The following CELF1 variants were observed in gnomAD, a reference collection of about 807,000 sequenced individuals.
CELF1 encodes CUGBP Elav-like family member 1.
Under a neutral mutation model 61.8 loss-of-function variants are expected in CELF1, and 10 were observed. The ratio of observed to expected loss-of-function variants is 0.16; its 90% CI spans 0.10 to 0.27. CELF1 has a LOEUF of 0.27. CELF1 is among the 10% of genes least tolerant of loss of function. The probability of loss-of-function intolerance (pLI) is 1.00; values close to 1 mark genes in which losing one functional copy is unlikely to be tolerated. For synonymous variants in CELF1, 236 were observed against 225.1 expected (o/e 1.05, Z -0.43); for missense variants, 380 against 639.1 (o/e 0.59, Z 4.37).
In CELF1 at chr11:47,553,064, T is replaced by TGCTGAGGCCGAATCCCGGGGGAGCC. The variant is rs1282271697; in HGVS notation, c.-251_-227dup. ...TCCGCAGCCGCCGCCGCCGCCTCGCTGCTGAGGCCGAATCCCGGGGGAGCC... is the reference window on the plus strand; with the variant it reads ...TCCGCAGCCGCCGCCGCCGCCTCGCTGCTGAGGCCGAATCCCGGGGGAGCCGCTGAGGCCGAATCCCGGGGGAGCC... On this transcript the variant is annotated 5_prime_UTR_variant, in exon 1 of 15. Transcript: ENST00000687097. 2 of 400,924 alleles carry TGCTGAGGCCGAATCCCGGGGGAGCC rather than the reference T, an allele frequency of 5.0e-6. No homozygotes were observed. Among genetic ancestry groups the TGCTGAGGCCGAATCCCGGGGGAGCC allele is most frequent in the Non-Finnish European group, 8.8e-6 (2 of 228,292 alleles). 24.8% of individuals were successfully genotyped at this position (400,924 alleles called of 1,614,324 possible).
intron 1 of CELF1, chr11:47,513,936 T>TTG (rs1299183597): frequency 6.6e-6 from 1 of 150,484 alleles, no homozygotes; most frequent in Non-Finnish European, 1.5e-5. Context: ...TTTTCCTTTT[T>TTG]TTTTTCCCCC....
At chr11:47,505,790 C>T (rs911897028) in intron 1 of CELF1, among the ~76,000 whole-genome samples, 1 of 150,084 alleles carries the variant, frequency 6.7e-6, no homozygotes, top group Non-Finnish European at 1.5e-5. Flanking sequence ...CAAAAATTAG[C>T]CAGGCACAGT....
At chr11:47,473,980 C>T (rs1433236716) in intron 13 of CELF1, among the ~76,000 whole-genome samples, 1 of 151,954 alleles carries the variant, frequency 6.6e-6, no homozygotes, top group Non-Finnish European at 1.5e-5. Flanking sequence ...GAACTCAGGT[C>T]ACTGCAACCT....
At chr11:47,481,096 C>CTTTT (rs2082869074) in intron 9 of CELF1, among the ~76,000 whole-genome samples, 4 of 57,616 alleles carry the variant, frequency 6.9e-5, no homozygotes, top group East Asian at 5.6e-4. Flanking sequence ...TTTTTTTTTT[C>CTTTT]TTCTTCTTTT....
intron 1 of CELF1, 127 bp from the exon 2 acceptor site, chr11:47,501,059 C>T (rs1671848659): frequency 2.5e-6 from 1 of 395,622 alleles, no homozygotes; most frequent in African/African-American, 2.1e-5. Context: ...TAACATCTGT[C>T]TGCACCTGAC....
At chr11:47,516,775 A>AT (rs1342925806) in intron 1 of CELF1, among the ~76,000 whole-genome samples, 3 of 151,574 alleles carry the variant, frequency 2.0e-5, no homozygotes, top group Non-Finnish European at 4.4e-5. Flanking sequence ...TAATTTTTAT[A>AT]TTTTTTTAGT....
chr11:47,529,370 G>A (rs532692961), intron 1 of CELF1, among the ~76,000 whole-genome samples: 10 of 151,764 alleles, frequency 6.6e-5, no homozygotes, highest in African/African-American at 2.2e-4. Flanking sequence ...GTAACGTGGC[G>A]AAACCCAATC....
chr11:47,547,782 A>C (rs868258846), intron 1 of CELF1, among the ~76,000 whole-genome samples: 2 of 152,306 alleles, frequency 1.3e-5, no homozygotes, highest in African/African-American at 4.8e-5. Context: ...ACAAAAAGCC[A>C]AGTATTACAT....
rs1490528313 is a variant in CELF1, at chr11:47,475,432, C to T, written c.1177G>A (p.Gly393Ser). 1 of 1,614,078 alleles carries T rather than the reference C, an allele frequency of 6.2e-7. No homozygotes were observed. Among genetic ancestry groups the T allele is most frequent in the Non-Finnish European group, 8.5e-7 (1 of 1,180,040 alleles). Residue 393 changes from glycine to serine, a missense_variant, in exon 13 of 15, where the codon GGT becomes AGT. Physicochemically the swap from Gly to Ser is moderately conservative, Grantham distance 56. Coordinates refer to ENST00000687097, the MANE Select transcript of CELF1 (RefSeq NM_001376376.1). ...GCAGCAGCAGCATATTGCTGGATACCCGAGTAGGCCTGAGTGAGGGCCTCC... is the reference window on the plus strand; with the variant it reads ...GCAGCAGCAGCATATTGCTGGATACTCGAGTAGGCCTGAGTGAGGGCCTCC... The part of the protein sequence containing the change: ...TMEALTQAYS[G>S]IQQYAAAALP...
chr11:47,563,071 C>G (rs2097231653), intron 2 of CELF1, among the ~76,000 whole-genome samples: 1 of 151,918 alleles, frequency 6.6e-6, no homozygotes, highest in African/African-American at 2.4e-5. Flanking sequence ...AAAAAATTAG[C>G]CAGGTATCGT....
intron 1 of CELF1, among the ~76,000 whole-genome samples, chr11:47,518,534 C>T (rs2095679486): frequency 6.6e-6 from 1 of 152,196 alleles, no homozygotes; most frequent in African/African-American, 2.4e-5. Flanking sequence ...CCTGCAGTAT[C>T]TTACTTGAAG....
chr11:47,472,222 G>A lies in CELF1; in HGVS notation c.*8C>T. The A allele has an allele frequency of 6.2e-7, 1 of 1,613,576 alleles. No individual in the cohort carries two copies. Among genetic ancestry groups the A allele is most frequent in the Non-Finnish European group, 8.5e-7 (1 of 1,179,886 alleles). On this transcript the variant is annotated 3_prime_UTR_variant, in exon 15 of 15. Transcript: ENST00000687097. ...ACCCTCTCACTCCAGTCTCAGAGGG[G>A]AGCACGCTCAGTAGGGCTTGCTGTC... is the stretch of plus-strand genomic sequence containing the variant.
intron 2 of CELF1, among the ~76,000 whole-genome samples, chr11:47,562,972 C>G (rs1268954811): frequency 6.6e-6 from 1 of 152,042 alleles, no homozygotes; most frequent in African/African-American, 2.4e-5. Flanking sequence ...CTCCGCCTCC[C>G]AAAGTGCTGG....
chr11:47,527,739 A>C (rs914971429), intron 1 of CELF1, among the ~76,000 whole-genome samples: 15 of 152,184 alleles, frequency 9.9e-5, no homozygotes, highest in African/African-American at 3.4e-4. Context: ...GTTTAAGATC[A>C]CAGCTTTAAT....
At chr11:47,479,647 G>A (rs1270460101) in intron 9 of CELF1, among the ~76,000 whole-genome samples, 1 of 152,234 alleles carries the variant, frequency 6.6e-6, no homozygotes, top group East Asian at 1.9e-4. Flanking sequence ...AAAGTAAGAG[G>A]GCCTGTCCCT....
At position 47,486,656 on chromosome 11, in the gene CELF1, T is replaced by C. The variant is rs963921446; in HGVS notation, c.391+94A>G. ...ACTCCGGCCTCAAGCAATCCATCTG[T>C]CTTGGCCTCCCAAAGTGCTGGGATT... On this transcript the variant is annotated intron_variant, in intron 6 of 14. Coordinates refer to ENST00000687097, the MANE Select transcript of CELF1 (RefSeq NM_001376376.1). The C allele has an allele frequency of 5.2e-5, 51 of 984,252 alleles. No individual in the cohort carries two copies. In the Admixed American group the frequency reaches 8.2e-4, roughly 16 times the overall value. The allele number at this position is 984,252 out of a possible 1,614,324, so 61.0% of individuals were successfully genotyped here.
At chr11:47,503,218 T>C (rs1350819080) in intron 1 of CELF1, among the ~76,000 whole-genome samples, 1 of 152,184 alleles carries the variant, frequency 6.6e-6, no homozygotes, top group Non-Finnish European at 1.5e-5. Flanking sequence ...AGGAATAGTA[T>C]AAACTTAACA....
Position 47,549,811 on chromosome 11 carries a change from G to GT in CELF1, c.-154+3180dup, listed in dbSNP as rs1157763467. Among the ~76,000 whole-genome samples the GT allele has an allele frequency of 5.2e-4, 69 of 133,284 alleles. No individual in the cohort carries two copies. In the Middle Eastern group the frequency reaches 0.013, roughly 24 times the overall value. The allele number at this position is 133,284 out of a possible 152,430, so 87.4% of individuals were successfully genotyped here. On this transcript the variant is annotated intron_variant, in intron 1 of 14. Coordinates refer to ENST00000687097, the MANE Select transcript of CELF1 (RefSeq NM_001376376.1). Reference sequence around the variant, plus strand: ...ATGGCTAAGTTAGTAAATGTTGTGGGTTTTTTTTGTTTTTTTTTTTTCTGA... The same window carrying GT: ...ATGGCTAAGTTAGTAAATGTTGTGGGTTTTTTTTTGTTTTTTTTTTTTCTGA...
intron 1 of CELF1, among the ~76,000 whole-genome samples, chr11:47,552,665 G>A (rs957785474): frequency 2.0e-5 from 3 of 152,212 alleles, no homozygotes; most frequent in Admixed American, 6.5e-5. Flanking sequence ...AACGGAGCTG[G>A]CCCTGGGCAG....
Sources: allele counts gnomAD v4.1 joint callset (sites outside exome capture counted in the v4.1 genomes callset), GRCh38; gene constraint gnomAD v4.1.1; transcripts MANE v1.5; gene names NCBI Gene and HGNC (gene_info 2026-07-23, HGNC 2026-07-21).